PCDHGA3: variants seen among roughly 807,000 people sequenced by gnomAD.
The protein encoded by PCDHGA3 is protocadherin gamma subfamily A, 3.
In PCDHGA3, 40 loss-of-function variants were observed where a neutral mutation model predicts 58.5. That is an observed-to-expected ratio of 0.68 (90% CI 0.53 to 0.89). The LOEUF is 0.89. Ranked by LOEUF, PCDHGA3 falls within the 40% of genes least tolerant of loss-of-function variation. PCDHGA3 has a pLI of 0.00. For synonymous variants in PCDHGA3, 530 were observed against 525.7 expected, an observed-to-expected ratio of 1.01 and a Z score of -0.11; for missense variants, 1,223 against 1,195.9, an observed-to-expected ratio of 1.02 and a Z score of -0.33.
intron 1 of PCDHGA3, chr5:141,422,964 G>A: frequency 1.2e-6 from 2 of 1,614,190 alleles, no homozygotes; most frequent in Non-Finnish European, 1.7e-6. Flanking sequence ...TGGAGCTGGC[G>A]CCCCGCTCTG....
intron 1 of PCDHGA3, chr5:141,385,657 C>A: frequency 1.6e-6 from 1 of 611,856 alleles, no homozygotes; most frequent in Non-Finnish European, 2.2e-6. Context: ...ACAAGGTTAG[C>A]AGGAATAAAA....
In PCDHGA3 at chr5:141,491,463, C is replaced by CT. The variant is rs765984397; in HGVS notation, c.2425-3343dup. The CT allele has an allele frequency of 6.2e-7, 1 of 1,614,112 alleles. No homozygotes were observed. Among genetic ancestry groups the CT allele is most frequent in the Non-Finnish European group, 8.5e-7 (1 of 1,180,010 alleles). ...GCCAGGACTCACCCTCCCCGGACTT[C>CT]TATAAGCAGTCCAGCCCCAACCTGC... On this transcript the variant is annotated intron_variant, in intron 1 of 3. Coordinates refer to ENST00000253812, the MANE Select transcript of PCDHGA3 (RefSeq NM_018916.4). This position sits in a 1 kb window ranked among gnomAD's most constrained non-coding sequence, Gnocchi z 6.9.
At chr5:141,440,106 T>A (rs1288263875) in intron 1 of PCDHGA3, 1 of 152,228 alleles carries the variant, frequency 6.6e-6, no homozygotes, top group East Asian at 1.9e-4. Flanking sequence ...AGTGGAGACT[T>A]ACTTGTGAAT....
intron 1 of PCDHGA3, chr5:141,418,503 T>G (rs2096264259): frequency 6.2e-7 from 1 of 1,613,828 alleles, no homozygotes. Flanking sequence ...CTGACCGCCT[T>G]AGATGGTGGG....
chr5:141,385,513 A>C (rs1781236036), intron 1 of PCDHGA3: 1 of 1,373,372 alleles, frequency 7.3e-7, no homozygotes, highest in Non-Finnish European at 9.4e-7. Flanking sequence ...CTTTAGTGAA[A>C]GCCTATGGAC....
intron 1 of PCDHGA3, chr5:141,370,275 C>T (rs1483260334): frequency 2.4e-6 from 2 of 830,416 alleles, no homozygotes; most frequent in African/African-American, 1.7e-5. Flanking sequence ...AGCGGAGACA[C>T]CCATTAGAGA....
At chr5:141,500,260 C>G (rs2099798502) in intron 2 of PCDHGA3, among the ~76,000 whole-genome samples, 3 of 151,104 alleles carry the variant, frequency 2.0e-5, no homozygotes, top group African/African-American at 2.4e-5. Flanking sequence ...CCAGGCTGGA[C>G]TGCAGTGGCG....
intron 1 of PCDHGA3, among the ~76,000 whole-genome samples, chr5:141,368,345 A>G (rs1765594153): frequency 6.6e-6 from 1 of 152,166 alleles, no homozygotes; most frequent in South Asian, 2.1e-4. Context: ...ATATACATAT[A>G]CACACACATA....
chr5:141,436,287 T>A (rs565612572), intron 1 of PCDHGA3, among the ~76,000 whole-genome samples: 1 of 152,262 alleles, frequency 6.6e-6, no homozygotes, highest in Admixed American at 6.5e-5. Context: ...TAGGAACAAA[T>A]CATTGAGAGT....
At chr5:141,416,722 A>C (rs891558095) in intron 1 of PCDHGA3, 3 of 152,258 alleles carry the variant, frequency 2.0e-5, no homozygotes, top group African/African-American at 7.2e-5. Context: ...TGATGAGTTC[A>C]TTTAGTTCAA....
At chr5:141,351,329 G>A in intron 1 of PCDHGA3, 3 of 1,613,744 alleles carry the variant, frequency 1.9e-6, no homozygotes, top group Non-Finnish European at 2.5e-6. Context: ...AGAGGATTCA[G>A]ACCTTGGAAC....
In PCDHGA3 at chr5:141,485,368, G is replaced by T. The variant is rs2154580406; in HGVS notation, c.2425-9439G>T. On this transcript the variant is annotated intron_variant, in intron 1 of 3. Coordinates refer to ENST00000253812, the MANE Select transcript of PCDHGA3 (RefSeq NM_018916.4). This position sits in a 1 kb window ranked among gnomAD's most constrained non-coding sequence, Gnocchi z 5.7. Reference sequence around the variant, plus strand: ...ACAGTCTGTCAGCTCGCAGGCTGCAGGTCGCTGGAGAGGTGAACCAAAGAC... The same window carrying T: ...ACAGTCTGTCAGCTCGCAGGCTGCATGTCGCTGGAGAGGTGAACCAAAGAC... The T allele has an allele frequency of 6.2e-7, 1 of 1,614,144 alleles. No individual in the cohort carries two copies. The highest frequency in any genetic ancestry group is 2.2e-5 in the East Asian group (1 of 44,866).
chr5:141,354,990 C>A, intron 1 of PCDHGA3: 1 of 635,190 alleles, frequency 1.6e-6, no homozygotes, highest in Non-Finnish European at 2.4e-6. Flanking sequence ...GTTCACCAAT[C>A]AGGGGGAAAA....
chr5:141,457,172 T>C (rs1425263344), intron 1 of PCDHGA3, among the ~76,000 whole-genome samples: 1 of 152,212 alleles, frequency 6.6e-6, no homozygotes, highest in East Asian at 1.9e-4. Context: ...ATAACCCTAT[T>C]GCAAATAGTA....
At chr5:141,465,337 G>GCC (rs2099101328) in intron 1 of PCDHGA3, among the ~76,000 whole-genome samples, 6 of 151,962 alleles carry the variant, frequency 3.9e-5, no homozygotes, top group Admixed American at 2.6e-4. Flanking sequence ...TTTTTATATT[G>GCC]GTTACTGAAG....
intron 1 of PCDHGA3, chr5:141,398,413 T>G (rs774602022): frequency 1.3e-6 from 2 of 1,490,692 alleles, no homozygotes; most frequent in South Asian, 1.1e-5. Context: ...GGAGGAGATA[T>G]GCGGGAAGAA....
At chr5:141,379,717 G>A (rs1775773176) in intron 1 of PCDHGA3, 1 of 152,104 alleles carries the variant, frequency 6.6e-6, no homozygotes, top group Non-Finnish European at 1.5e-5. Context: ...GGCAGTCATG[G>A]AATTTGCTAA....
rs1318239086 is a variant in PCDHGA3 at position 141,375,939 on chromosome 5, T to C, written c.2424+29482T>C. 2.5e-6 allele frequency: 4 copies of C among 1,613,658 alleles called. No homozygotes were observed. In the East Asian group the frequency reaches 8.9e-5, roughly 36 times the overall value. On this transcript the variant is annotated intron_variant, in intron 1 of 3. Transcript: ENST00000253812. ...GCCAGCGAGCCAGGACTTTTCTCAGTGGGCCTGCACACGGGCGAGGTGCGC... is the reference window on the plus strand; with the variant it reads ...GCCAGCGAGCCAGGACTTTTCTCAGCGGGCCTGCACACGGGCGAGGTGCGC...
At chr5:141,362,380 C>A in intron 1 of PCDHGA3, 4 of 1,614,026 alleles carry the variant, frequency 2.5e-6, no homozygotes, top group Non-Finnish European at 3.4e-6. Context: ...GGGTACATTG[C>A]CCTATTCCTA....
Sources: gnomAD v4.1 joint callset for allele counts (sites outside exome capture counted in the v4.1 genomes callset) on GRCh38, gnomAD v4.1.1 for gene constraint, Gnocchi (gnomAD v3.1) non-coding constraint, MANE v1.5 for transcripts, NCBI Gene and HGNC (gene_info 2026-07-23, HGNC 2026-07-21) for gene names.